Variants in GRID2 observed in about 807,000 individuals in gnomAD.
GRID2 encodes the protein glutamate ionotropic receptor delta type subunit 2.
Under a neutral mutation model 114.8 loss-of-function variants are expected in GRID2, and 33 were observed. The observed-to-expected ratio is 0.29, with a 90% confidence interval of 0.22 to 0.38. The LOEUF is 0.38. Among genes scored for constraint, GRID2 ranks in the 10% least tolerant of loss-of-function variants. The pLI, the probability that GRID2 is intolerant of heterozygous loss-of-function variation, is 1.00. For synonymous variants in GRID2, 505 were observed against 449.9 expected, an observed-to-expected ratio of 1.12 and a Z score of -1.55; for missense variants, 1,184 against 1,257.7, an observed-to-expected ratio of 0.94 and a Z score of 0.89.
intron 1 of GRID2, among the ~76,000 whole-genome samples, chr4:93,805,881 G>A (rs1209805977): frequency 2.0e-5 from 3 of 152,174 alleles, no homozygotes; most frequent in Admixed American, 2.0e-4. Flanking sequence ...TGGATCACCT[G>A]AGGTCTAGAG....
chr4:92,436,134 C>T (rs1732724722), intron 1 of GRID2, among the ~76,000 whole-genome samples: 1 of 152,074 alleles, frequency 6.6e-6, no homozygotes, highest in Non-Finnish European at 1.5e-5. Flanking sequence ...TGAAAGTGTA[C>T]CGCAAAATTA....
chr4:93,052,933 G>T (rs1480752290), intron 2 of GRID2, among the ~76,000 whole-genome samples: 1 of 151,822 alleles, frequency 6.6e-6, no homozygotes, highest in Non-Finnish European at 1.5e-5. Context: ...ACAAAATTTA[G>T]GGCTGTCTTA....
chr4:93,715,632 G>A (rs1285673628), intron 14 of GRID2, among the ~76,000 whole-genome samples: 1 of 152,024 alleles, frequency 6.6e-6, no homozygotes, highest in Non-Finnish European at 1.5e-5. Context: ...AGTTCTCCTT[G>A]TAGAGATCTT....
At chr4:92,841,534 T>A (rs1422142917) in intron 2 of GRID2, among the ~76,000 whole-genome samples, 1 of 151,962 alleles carries the variant, frequency 6.6e-6, no homozygotes, top group Non-Finnish European at 1.5e-5. Context: ...TTTATAAGAA[T>A]CTAAATATCA....
chr4:92,474,942 A>G (rs1722219731), intron 1 of GRID2, among the ~76,000 whole-genome samples: 1 of 94,096 alleles, frequency 1.1e-5, no homozygotes, highest in African/African-American at 4.2e-5. Flanking sequence ...TTGTCTCTTC[A>G]TTCGGTTGAT....
Position 93,207,443 on chromosome 4 carries a change from A to G in GRID2, c.775A>G (p.Ile259Val). Residue 259 changes from isoleucine (I) to valine (V), a missense_variant, in exon 5 of 16, where the codon ATC becomes GTC. By Grantham distance (29) the Ile-to-Val change is conservative (BLOSUM62 3). This residue lies in a region of GRID2 where 455 missense variants were observed against 429.5 expected (regional missense o/e 1.06). Transcript: ENST00000282020. ...TTTGGTTGCTTTTGACTGTCACTGG[A>G]TCATTATAAATGAGGTAAAGCCAAC... The part of the protein sequence containing the change: ...TNLVAFDCHW[I>V]IINEEINDVD... 1.3e-6 allele frequency: 2 copies of G among 1,592,944 alleles called. No individual in the cohort carries two copies. The highest frequency in any genetic ancestry group is 2.2e-5 in the South Asian group (2 of 90,606).
intron 7 of GRID2, among the ~76,000 whole-genome samples, chr4:93,231,203 T>C (rs1328578019): frequency 1.3e-5 from 2 of 152,034 alleles, no homozygotes; most frequent in Non-Finnish European, 1.5e-5. Flanking sequence ...TTTACAGAAG[T>C]GTACTATATT....
chr4:92,613,168 A>C (rs1488710085), intron 2 of GRID2, among the ~76,000 whole-genome samples: 1 of 151,412 alleles, frequency 6.6e-6, no homozygotes, highest in East Asian at 1.9e-4. Context: ...TTACTTGCTC[A>C]TTGAGGTGAT....
At chr4:93,160,069 A>G (rs1737543968) in intron 4 of GRID2, among the ~76,000 whole-genome samples, 3 of 151,936 alleles carry the variant, frequency 2.0e-5, no homozygotes, top group Admixed American at 1.3e-4. Context: ...CAAAGGATAT[A>G]TAGATAATCT....
At chr4:93,688,279 T>G (rs757476513) in intron 14 of GRID2, among the ~76,000 whole-genome samples, 7 of 151,978 alleles carry the variant, frequency 4.6e-5, no homozygotes, top group Non-Finnish European at 8.8e-5. Context: ...GATGAGGCAC[T>G]CATCTTCAGG....
chr4:92,367,204 A>T (rs1728909764), intron 1 of GRID2, among the ~76,000 whole-genome samples: 1 of 152,078 alleles, frequency 6.6e-6, no homozygotes, highest in African/African-American at 2.4e-5. Context: ...GATGATTTCT[A>T]CCTGAATTGG....
chr4:92,457,832 T>A (rs145620965), intron 1 of GRID2, among the ~76,000 whole-genome samples: 64 of 152,324 alleles, frequency 4.2e-4, no homozygotes, highest in African/African-American at 1.4e-3. Flanking sequence ...GCCTGTCTGT[T>A]TGCAAGGATT....
chr4:93,228,174 T>C lies in GRID2; in HGVS notation c.1125+3399T>C, dbSNP rs374315844. On this transcript the variant is annotated intron_variant, in intron 7 of 15. Coordinates refer to ENST00000282020, the MANE Select transcript of GRID2 (RefSeq NM_001510.4). ...TTCTGCTGCTAGAATACCATGGACT[T>C]CGTAGTTTATTAAGAACAGAAATTT... Among the ~76,000 whole-genome samples the C allele has an allele frequency of 1.3e-3, 202 of 152,272 alleles. 1 individual carries two copies. The highest frequency in any genetic ancestry group is 4.3e-3 in the African/African-American group (180 of 41,556).
intron 4 of GRID2, among the ~76,000 whole-genome samples, chr4:93,128,042 A>AC (rs1560908415): frequency 1.5e-4 from 20 of 135,526 alleles, no homozygotes; most frequent in African/African-American, 5.9e-4. Flanking sequence ...AAAAAAAAAA[A>AC]AAAAAAAAAA....
intron 4 of GRID2, among the ~76,000 whole-genome samples, chr4:93,137,546 CAGAA>C (rs1220762319): frequency 1.3e-5 from 2 of 152,020 alleles, no homozygotes; most frequent in Non-Finnish European, 2.9e-5. Flanking sequence ...AGCAAGTAAA[CAGAA>C]AGAGGATTTC....
chr4:92,384,824 C>T (rs375411032), intron 1 of GRID2, among the ~76,000 whole-genome samples: 4 of 148,126 alleles, frequency 2.7e-5, no homozygotes, highest in South Asian at 2.1e-4. Flanking sequence ...AATGGAAAAA[C>T]GCTTGAATTT....
At chr4:93,717,958 G>A (rs10516942) in intron 14 of GRID2, among the ~76,000 whole-genome samples, 6,413 of 152,160 alleles carry the variant, frequency 0.042, 219 homozygotes, top group African/African-American at 0.085. Context: ...ATGTTGTTAA[G>A]ATGTAGTACA....
intron 2 of GRID2, among the ~76,000 whole-genome samples, chr4:92,674,283 G>T (rs1248880376): frequency 6.6e-6 from 1 of 151,692 alleles, no homozygotes; most frequent in Admixed American, 6.6e-5. Flanking sequence ...CTGCTTTATT[G>T]TTCCATGGAT....
intron 8 of GRID2, among the ~76,000 whole-genome samples, chr4:93,345,533 T>C (rs1760136481): frequency 6.6e-6 from 1 of 152,112 alleles, no homozygotes. Context: ...GTTTCTTATA[T>C]ATTTTGGATA....
Sources: allele counts gnomAD v4.1 joint callset (sites outside exome capture counted in the v4.1 genomes callset), GRCh38; gene constraint gnomAD v4.1.1; regional missense constraint gnomAD v4.1.1; transcripts MANE v1.5; gene names NCBI Gene and HGNC (gene_info 2026-07-23, HGNC 2026-07-21).